Variants in GSE1 observed in about 807,000 individuals in gnomAD.
GSE1 encodes Gse1 coiled-coil protein, also known as genetic suppressor element 1.
Under a neutral mutation model 112.6 loss-of-function variants are expected in GSE1, and 32 were observed. That is an observed-to-expected ratio of 0.28 (90% CI 0.21 to 0.38). GSE1 has a LOEUF of 0.38. Ranked by LOEUF, GSE1 falls within the 10% of genes least tolerant of loss-of-function variation. The pLI is 1.00. For missense variants in GSE1, 2,348 were observed against 1,699.2 expected (o/e 1.38, Z -6.71); for synonymous variants, 1,115 against 735.6 (o/e 1.52, Z -8.35).
chr16:85,530,619 C>T (rs1176246247), intron 2 of GSE1, among the ~76,000 whole-genome samples: 1 of 152,216 alleles, frequency 6.6e-6, no homozygotes, highest in Non-Finnish European at 1.5e-5. Flanking sequence ...GGATTACAGC[C>T]TGCAACGAGG....
chr16:85,438,507 G>C (rs1212785622), intron 2 of GSE1, among the ~76,000 whole-genome samples: 1 of 152,182 alleles, frequency 6.6e-6, no homozygotes, highest in Non-Finnish European at 1.5e-5. Flanking sequence ...TAATCCTCGG[G>C]ACAATCTAGA....
At position 85,623,340 on chromosome 16, in the gene GSE1, A is replaced by T. The variant is rs147579148; in HGVS notation, c.7+9942A>T. On this transcript the variant is annotated intron_variant, in intron 1 of 15. Transcript: ENST00000253458. ...AGCGATCCCCCACCTCGGCCTCCCA[A>T]AGCGCTGGGATTATAGGCGTGAGCC... Among the ~76,000 whole-genome samples the T allele has an allele frequency of 4.2e-3, 644 of 151,724 alleles. 1 individual carries two copies. Among genetic ancestry groups the T allele is most frequent in the African/African-American group, 0.015 (613 of 41,374 alleles).
intron 2 of GSE1, among the ~76,000 whole-genome samples, chr16:85,635,135 G>A (rs373569570): frequency 4.6e-4 from 70 of 152,318 alleles, no homozygotes; most frequent in East Asian, 1.2e-3. Flanking sequence ...TGACCAGGGC[G>A]GGCTGGGGGG....
At chr16:85,246,906 G>C (rs530808911) in intron 1 of GSE1, among the ~76,000 whole-genome samples, 40 of 152,242 alleles carry the variant, frequency 2.6e-4, no homozygotes, top group African/African-American at 8.9e-4. Flanking sequence ...GGGGAGCTTG[G>C]TAGAGGGGCT....
intron 2 of GSE1, among the ~76,000 whole-genome samples, chr16:85,383,539 CTCTCTCTCTCTCTCTCTCTCT>C (rs2047612636): frequency 1.3e-5 from 1 of 76,014 alleles, no homozygotes; most frequent in Admixed American, 1.0e-4. Flanking sequence ...CTCTCTCTCT[CTCTCTCTCTCTCTCTCTCTCT>C]CTCTCTCTCT....
intron 2 of GSE1, among the ~76,000 whole-genome samples, chr16:85,423,482 T>A (rs2048898570): frequency 6.6e-6 from 1 of 152,154 alleles, no homozygotes; most frequent in African/African-American, 2.4e-5. Context: ...GGGTTTGGCT[T>A]GCTTAAAGCT....
At chr16:85,247,606 C>T (rs1305113119) in intron 1 of GSE1, among the ~76,000 whole-genome samples, 1 of 152,258 alleles carries the variant, frequency 6.6e-6, no homozygotes, top group Non-Finnish European at 1.5e-5. Flanking sequence ...CCACTTCTCC[C>T]ACCCTGGGTG....
intron 1 of GSE1, among the ~76,000 whole-genome samples, chr16:85,557,819 T>G (rs118081530): frequency 0.025 from 3,774 of 151,254 alleles, 67 homozygotes; most frequent in Non-Finnish European, 0.038. Context: ...CTGGAGGAAA[T>G]CTGTACTTTT....
At chr16:85,536,464 G>A (rs551717558) in intron 2 of GSE1, among the ~76,000 whole-genome samples, 100 of 152,360 alleles carry the variant, frequency 6.6e-4, no homozygotes, top group Middle Eastern at 3.4e-3. Flanking sequence ...CTTGCCAGGC[G>A]CCTCTGCAGT....
chr16:85,236,508 G>A (rs928743080), intron 1 of GSE1, among the ~76,000 whole-genome samples: 6 of 152,230 alleles, frequency 3.9e-5, no homozygotes, highest in African/African-American at 1.4e-4. Context: ...TGGGGAGAAC[G>A]GCCTGTGCAT....
Position 85,672,736 on chromosome 16 carries a change from A to C in GSE1, c.*197A>C. ...TCAATGCAATTGAATCACCGTTGTC[A>C]TTCAGCGAGCAACCAATGTAGGATT... is the stretch of plus-strand genomic sequence containing the variant. On this transcript the variant is annotated 3_prime_UTR_variant, in exon 16 of 16. Transcript: ENST00000253458. 2.4e-6 allele frequency: 1 copy of C among 417,060 alleles called. No individual in the cohort carries two copies. The highest frequency in any genetic ancestry group is 3.6e-5 in the East Asian group (1 of 27,954). 25.8% of individuals were successfully genotyped at this position (417,060 alleles called of 1,614,324 possible).
chr16:85,629,066 T>A (rs1441563999), intron 1 of GSE1, among the ~76,000 whole-genome samples: 1 of 152,188 alleles, frequency 6.6e-6, no homozygotes, highest in Non-Finnish European at 1.5e-5. Context: ...ACCTCCCCAC[T>A]CTTGCTCCCT....
In GSE1 at chr16:85,175,558, GC is replaced by G. The variant is rs1188223475; in HGVS notation, c.2283+3756del. Among the ~76,000 whole-genome samples, 5 of 152,172 alleles carry G rather than the reference GC, an allele frequency of 3.3e-5. No homozygotes were observed. In the South Asian group the frequency reaches 6.2e-4, roughly 19 times the overall value. On this transcript the variant is annotated intron_variant, in intron 1 of 2. Coordinates refer to the GSE1 transcript ENST00000637419. ...GCAGTGGGGTTGCGGATGCGTTGAC[GC>G]CCCCTTCCCCCCGCCCCCGTGAAGT...
chr16:85,258,807 G>A (rs1054689840), intron 1 of GSE1, among the ~76,000 whole-genome samples: 1 of 152,182 alleles, frequency 6.6e-6, no homozygotes, highest in Non-Finnish European at 1.5e-5. Flanking sequence ...TGGCGGTTTA[G>A]CCTCTGCCCC....
rs201594149 is a variant in GSE1 at position 85,668,131 on chromosome 16, C to A, written c.3131-9C>A. 2.6e-6 allele frequency: 4 copies of A among 1,557,634 alleles called. No homozygotes were observed. The East Asian group carries it at 9.0e-5, about 35-fold the overall frequency. ...CAACACACTGATGCAAGCCCTGTCC[C>A]CTCCACAGGGAGCGTGGCTGTGCTG... On this transcript the variant is annotated splice_polypyrimidine_tract_variant and intron_variant, in intron 13 of 15. Coordinates refer to ENST00000253458, the MANE Select transcript of GSE1 (RefSeq NM_014615.5).
At chr16:85,278,400 C>G (rs1317708109) in intron 1 of GSE1, among the ~76,000 whole-genome samples, 1 of 152,162 alleles carries the variant, frequency 6.6e-6, no homozygotes, top group Non-Finnish European at 1.5e-5. Flanking sequence ...CTGTGTTTGC[C>G]TGTTTTTCAT....
intron 2 of GSE1, among the ~76,000 whole-genome samples, chr16:85,508,352 G>T (rs745622175): frequency 3.3e-5 from 5 of 152,138 alleles, no homozygotes; most frequent in African/African-American, 4.8e-5. Context: ...TTATTTTTCG[G>T]AACAGGTGAT....
upstream of GSE1, among the ~76,000 whole-genome samples, chr16:85,607,086 G>T (rs1487656530): frequency 6.6e-6 from 1 of 150,492 alleles, no homozygotes; most frequent in African/African-American, 2.5e-5. Flanking sequence ...GGAGGGAGGA[G>T]GGGGAGGGGA....
chr16:85,494,754 A>G (rs532481915), intron 2 of GSE1, among the ~76,000 whole-genome samples: 13 of 152,266 alleles, frequency 8.5e-5, no homozygotes, highest in South Asian at 2.1e-4. Flanking sequence ...TTTGGGGGGA[A>G]CTCTATTAAA....
Sources: gnomAD v4.1 joint callset for allele counts (sites outside exome capture counted in the v4.1 genomes callset) on GRCh38, gnomAD v4.1.1 for gene constraint, MANE v1.5 for transcripts, NCBI Gene and HGNC (gene_info 2026-07-23, HGNC 2026-07-21) for gene names.